Variants in NFASC observed in about 807,000 individuals in gnomAD.
NFASC encodes neurofascin homolog.
Under a neutral mutation model 147.5 loss-of-function variants are expected in NFASC, and 43 were observed. The observed-to-expected ratio is 0.29, with a 90% CI of 0.23 to 0.38. The LOEUF (loss-of-function observed/expected upper bound fraction) is 0.38. Among genes scored for constraint, NFASC ranks in the 10% least tolerant of loss-of-function variants. The pLI is 1.00. For missense variants in NFASC, 1,320 were observed against 1,689.0 expected (o/e 0.78, Z 3.83); for synonymous variants, 622 against 665.5 (o/e 0.93, Z 1.01).
At chr1:204,996,024 G>T (rs35158267) in intron 24 of NFASC, among the ~76,000 whole-genome samples, 24,606 of 151,928 alleles carry the variant, frequency 0.16, 2,097 homozygotes, top group Non-Finnish European at 0.2. Context: ...AGGGGGCTTT[G>T]TCTCTCTCTG....
intron 15 of NFASC, among the ~76,000 whole-genome samples, chr1:204,976,196 G>T (rs2095399270): frequency 6.7e-6 from 1 of 148,502 alleles, no homozygotes; most frequent in African/African-American, 2.4e-5. Context: ...ATTCTGCTCT[G>T]TGGCCTCCCC....
chr1:204,841,126 A>G (rs189538147), intron 1 of NFASC, among the ~76,000 whole-genome samples: 5 of 152,372 alleles, frequency 3.3e-5, no homozygotes, highest in East Asian at 1.9e-4. Context: ...CAAGAAGGCT[A>G]TGGGACATGC....
intron 1 of NFASC, among the ~76,000 whole-genome samples, chr1:204,897,813 G>A (rs2083687986): frequency 6.6e-6 from 1 of 152,012 alleles, no homozygotes; most frequent in Admixed American, 6.5e-5. Flanking sequence ...TCACCTCACT[G>A]CAACCTCTGT....
chr1:204,925,389 A>G (rs1253614495), intron 2 of NFASC, among the ~76,000 whole-genome samples: 2 of 152,222 alleles, frequency 1.3e-5, no homozygotes, highest in African/African-American at 4.8e-5. Context: ...TGTGGCTGCA[A>G]GTCACATGTG....
intron 2 of NFASC, among the ~76,000 whole-genome samples, chr1:204,921,000 C>A (rs950208308): frequency 6.6e-6 from 1 of 152,256 alleles, no homozygotes; most frequent in African/African-American, 2.4e-5. Context: ...CCAACATTAG[C>A]GCTGGCATTG....
At chr1:204,935,374 G>A (rs2092732394) in intron 2 of NFASC, among the ~76,000 whole-genome samples, 1 of 152,236 alleles carries the variant, frequency 6.6e-6, no homozygotes, top group African/African-American at 2.4e-5. Flanking sequence ...GAGACTCAGA[G>A]GCAGGCAGGG....
chr1:205,016,208 C>T lies in NFASC; in HGVS notation c.3492-100C>T. ...AAGCGGGGGCTGGACTGGGCGGTCT[C>T]CTGGATCCCATCCTCTCTGAGCTGT... is the stretch of plus-strand genomic sequence containing the variant. On this transcript the variant is annotated intron_variant, in intron 29 of 29. Transcript: ENST00000339876. This position sits in a 1 kb window ranked among gnomAD's most constrained non-coding sequence, Gnocchi z 5.1. The T allele has an allele frequency of 2.4e-6, 2 of 838,036 alleles. No individual in the cohort carries two copies. The highest frequency in any genetic ancestry group is 4.0e-6 in the Non-Finnish European group (2 of 495,634). The allele number at this position is 838,036 out of a possible 1,614,324, so 51.9% of individuals were successfully genotyped here.
chr1:204,919,769 C>T (rs932482281), intron 1 of NFASC, among the ~76,000 whole-genome samples: 1 of 152,110 alleles, frequency 6.6e-6, no homozygotes, highest in African/African-American at 2.4e-5. Flanking sequence ...GCTGGGACTA[C>T]AGGTGTGCCC....
Position 204,987,123 on chromosome 1 carries a change from G to A in NFASC, c.2471-295G>A, listed in dbSNP as rs1045961369. ...TTCGAGGTATCTTTGCAGAATCAGA[G>A]CCTAACATGTGCTGAATCCAGAGTA... is the stretch of plus-strand genomic sequence containing the variant. On this transcript the variant is annotated intron_variant, in intron 21 of 29. Coordinates refer to ENST00000339876, the MANE Select transcript of NFASC (RefSeq NM_001005388.3). The surrounding 1 kb of genome is among the most constrained non-coding windows in gnomAD (Gnocchi z 4.4). 6 of 441,068 alleles carry A rather than the reference G, an allele frequency of 1.4e-5. No homozygotes were observed. Among genetic ancestry groups the A allele is most frequent in the African/African-American group, 2.0e-5 (1 of 50,420 alleles). The allele number at this position is 441,068 out of a possible 1,614,324, so 27.3% of individuals were successfully genotyped here. A position where few individuals can be genotyped will look rare whatever the true frequency, so the allele number is the denominator to read the frequency against.
rs532910166 is a variant in NFASC at position 204,828,763 on chromosome 1, C to G, written c.-219C>G. ...GGACAGCTCGGACAGCGCCCAGGGCCGGAGCCCGAGCCCTTGGAGGTAGGC... is the reference window on the plus strand; with the variant it reads ...GGACAGCTCGGACAGCGCCCAGGGCGGGAGCCCGAGCCCTTGGAGGTAGGC... On this transcript the variant is annotated 5_prime_UTR_variant, in exon 1 of 30. Transcript: ENST00000339876. The G allele has an allele frequency of 1.2e-3, 1,196 of 985,444 alleles. 11 individuals carry two copies. In the African/African-American group the frequency reaches 0.02, roughly 16 times the overall value. 61.0% of individuals were successfully genotyped at this position (985,444 alleles called of 1,614,324 possible).
intron 26 of NFASC, among the ~76,000 whole-genome samples, chr1:205,001,498 A>G (rs1247302188): frequency 1.3e-5 from 2 of 152,148 alleles, no homozygotes; most frequent in African/African-American, 2.4e-5. Flanking sequence ...GGGCTTCTCA[A>G]GCCATTAGTG....
At chr1:204,922,269 C>T (rs1045385145) in intron 2 of NFASC, among the ~76,000 whole-genome samples, 1 of 152,126 alleles carries the variant, frequency 6.6e-6, no homozygotes, top group African/African-American at 2.4e-5. Context: ...GGTAACCTGA[C>T]CAGATCCCCA....
chr1:204,923,258 C>T (rs560273971), intron 2 of NFASC, among the ~76,000 whole-genome samples: 10 of 152,272 alleles, frequency 6.6e-5, no homozygotes, highest in Admixed American at 1.3e-4. Context: ...CGTTTATCTG[C>T]GTCTTCTCCC....
At chr1:205,002,521 G>C in intron 26 of NFASC, 75 bp from the exon 27 acceptor site, 1 of 1,242,628 alleles carries the variant, frequency 8.0e-7, no homozygotes, top group Non-Finnish European at 1.1e-6. Context: ...CCTTTGACAG[G>C]TGACCAGGAC....
At chr1:204,836,874 C>G (rs989103604) in intron 1 of NFASC, among the ~76,000 whole-genome samples, 2 of 152,208 alleles carry the variant, frequency 1.3e-5, no homozygotes, top group African/African-American at 4.8e-5. Context: ...GATATGCCCT[C>G]GTTTTGTTTT....
Position 204,957,801 on chromosome 1 carries a change from C to G in NFASC, c.681C>G (p.Asn227Lys). 6.2e-7 allele frequency: 1 copy of G among 1,614,182 alleles called. No individual in the cohort carries two copies. The part of the protein sequence containing the change: ...FHFTHTIQQK[N>K]PFTLKVLTTR... ...TCACCCACACCATCCAGCAGAAGAACCCTTTCACCCTCAAGGTCCTCACCA... is the reference window on the plus strand; with the variant it reads ...TCACCCACACCATCCAGCAGAAGAAGCCTTTCACCCTCAAGGTCCTCACCA... The change falls in exon 8 of 30, where the codon AAC (asparagine) becomes AAG (lysine). Residue 227 changes from asparagine to lysine, a missense_variant. By Grantham distance (94) the Asn-to-Lys change is moderately conservative. This residue lies in a region of NFASC where 981 missense variants were observed against 1,289.5 expected (regional missense o/e 0.76). Transcript: ENST00000339876.
intron 1 of NFASC, among the ~76,000 whole-genome samples, chr1:204,918,186 T>C (rs1284114192): frequency 2.0e-5 from 3 of 152,208 alleles, no homozygotes; most frequent in African/African-American, 7.2e-5. Flanking sequence ...CCATCAATAA[T>C]ATGGTTATTG....
intron 2 of NFASC, among the ~76,000 whole-genome samples, chr1:204,943,155 G>A (rs918052733): frequency 6.6e-6 from 1 of 152,178 alleles, no homozygotes; most frequent in African/African-American, 2.4e-5. Flanking sequence ...AGGAATTCTG[G>A]AGAAGCCACC....
Position 204,979,256 on chromosome 1 carries a change from G to A in NFASC, c.1979-106G>A, listed in dbSNP as rs2150420327. ...GGAAGAATTCTCCTTGTGCCTTTGT[G>A]TGAGAGAGATTATAAAGATCAATGG... On this transcript the variant is annotated intron_variant, in intron 18 of 29. Coordinates refer to ENST00000339876, the MANE Select transcript of NFASC (RefSeq NM_001005388.3). This position sits in a 1 kb window ranked among gnomAD's most constrained non-coding sequence, Gnocchi z 6.0. 2 of 1,075,884 alleles carry A rather than the reference G, an allele frequency of 1.9e-6. No individual in the cohort carries two copies. The highest frequency in any genetic ancestry group is 2.9e-6 in the Non-Finnish European group (2 of 699,182). The allele number at this position is 1,075,884 out of a possible 1,614,324, so 66.6% of individuals were successfully genotyped here.
Sources: allele counts gnomAD v4.1 joint callset (sites outside exome capture counted in the v4.1 genomes callset), GRCh38; gene constraint gnomAD v4.1.1; regional missense constraint gnomAD v4.1.1; non-coding constraint Gnocchi (gnomAD v3.1); transcripts MANE v1.5; gene names NCBI Gene and HGNC (gene_info 2026-07-23, HGNC 2026-07-21).